Variants in TMEM132C observed in about 807,000 individuals in gnomAD.
The protein encoded by TMEM132C is protein phosphatase 1, regulatory subunit 152.
In TMEM132C, 29 loss-of-function variants were observed where a neutral mutation model predicts 61.4. The observed-to-expected ratio is 0.47, with a 90% CI of 0.35 to 0.64. The LOEUF (loss-of-function observed/expected upper bound fraction) is 0.64, where lower values mean the gene tolerates loss of function less well. TMEM132C is among the 30% of genes least tolerant of loss of function. The probability of loss-of-function intolerance (pLI) is 0.00; values close to 1 mark genes in which losing one functional copy is unlikely to be tolerated. For synonymous variants in TMEM132C, 656 were observed against 633.1 expected (o/e 1.04, Z -0.54); for missense variants, 1,408 against 1,476.9 (o/e 0.95, Z 0.76).
intron 3 of TMEM132C, among the ~76,000 whole-genome samples, chr12:128,569,348 T>G (rs972878473): frequency 6.6e-6 from 1 of 152,190 alleles, no homozygotes; most frequent in South Asian, 2.1e-4. Context: ...CTGACAGGCC[T>G]TCTTCGGTCT....
chr12:128,379,270 A>G (rs1874325357), intron 1 of TMEM132C, among the ~76,000 whole-genome samples: 1 of 152,102 alleles, frequency 6.6e-6, no homozygotes, highest in Admixed American at 6.6e-5. Flanking sequence ...AAAGATATTG[A>G]TTTCCTGGGT....
At chr12:128,525,302 G>A (rs1169132752) in intron 2 of TMEM132C, among the ~76,000 whole-genome samples, 1 of 151,956 alleles carries the variant, frequency 6.6e-6, no homozygotes, top group African/African-American at 2.4e-5. Context: ...GCCCTTTGAA[G>A]AGAAATCCTT....
intron 2 of TMEM132C, among the ~76,000 whole-genome samples, chr12:128,514,570 A>G (rs1278799327): frequency 6.6e-6 from 1 of 152,194 alleles, no homozygotes; most frequent in Non-Finnish European, 1.5e-5. Context: ...TGGGACTTCC[A>G]AAGTTCTGAT....
chr12:128,468,420 C>T (rs1446262988), intron 2 of TMEM132C, among the ~76,000 whole-genome samples: 6 of 152,074 alleles, frequency 3.9e-5, no homozygotes, highest in East Asian at 3.9e-4. Context: ...CGGGTTCAAG[C>T]GATTCTTCTG....
At chr12:128,504,534 G>T (rs1872292044) in intron 2 of TMEM132C, among the ~76,000 whole-genome samples, 2 of 152,280 alleles carry the variant, frequency 1.3e-5, no homozygotes, top group South Asian at 4.1e-4. Flanking sequence ...GAGGCTGGAA[G>T]TCCGAGACTA....
chr12:128,439,192 G>A, intron 2 of TMEM132C: 1 of 164,802 alleles, frequency 6.1e-6, no homozygotes, highest in Non-Finnish European at 1.3e-5. Context: ...TGGCAAGGAA[G>A]GAGCTGCCCA....
In TMEM132C at chr12:128,278,971, G is replaced by A. The variant is rs12304689; in HGVS notation, c.85+11484G>A. ...AACTGCAACATTAGGTCTTCCTTGG[G>A]TCTCCAGCCTGCCAGCCCACCCTAC... On this transcript the variant is annotated intron_variant, in intron 1 of 8. Transcript: ENST00000435159. The surrounding 1 kb of genome is among the most constrained non-coding windows in gnomAD (Gnocchi z 4.2). 2.0e-3 allele frequency among the ~76,000 whole-genome samples: 309 copies of A among 152,156 alleles called. 1 individual carries two copies. Among genetic ancestry groups the A allele is most frequent in the African/African-American group, 7.0e-3 (290 of 41,506 alleles).
chr12:128,536,943 A>C (rs917953363), intron 2 of TMEM132C, among the ~76,000 whole-genome samples: 1 of 152,224 alleles, frequency 6.6e-6, no homozygotes, highest in Non-Finnish European at 1.5e-5. Flanking sequence ...CAGAAGCAAG[A>C]AACAAGCCAT....
At chr12:128,536,823 A>G (rs1047451647) in intron 2 of TMEM132C, among the ~76,000 whole-genome samples, 2 of 152,160 alleles carry the variant, frequency 1.3e-5, no homozygotes, top group Non-Finnish European at 2.9e-5. Context: ...GCATATGTCA[A>G]CTGAAGAATG....
chr12:128,533,815 C>T (rs1348248873), intron 2 of TMEM132C, among the ~76,000 whole-genome samples: 2 of 152,100 alleles, frequency 1.3e-5, no homozygotes, highest in South Asian at 2.1e-4. Flanking sequence ...TCAGTTTGAA[C>T]GTACTCTGAA....
intron 8 of TMEM132C, among the ~76,000 whole-genome samples, chr12:128,704,437 T>C (rs1335835075): frequency 1.3e-5 from 2 of 152,206 alleles, no homozygotes; most frequent in African/African-American, 2.4e-5. Context: ...CAATGCCATG[T>C]ACTGTGTCCC....
At chr12:128,430,058 G>A (rs996139788) in intron 2 of TMEM132C, among the ~76,000 whole-genome samples, 4 of 152,154 alleles carry the variant, frequency 2.6e-5, no homozygotes, top group African/African-American at 9.7e-5. Flanking sequence ...GGGGCAGCTC[G>A]GCCTCCTTCT....
chr12:128,473,405 C>T (rs1871039617), intron 2 of TMEM132C, among the ~76,000 whole-genome samples: 1 of 151,410 alleles, frequency 6.6e-6, no homozygotes, highest in Non-Finnish European at 1.5e-5. Context: ...TTCATTTTCA[C>T]TCCAGCCTCC....
chr12:128,395,575 G>A (rs765429882), intron 1 of TMEM132C, among the ~76,000 whole-genome samples: 1 of 152,134 alleles, frequency 6.6e-6, no homozygotes, highest in Non-Finnish European at 1.5e-5. Context: ...TGCCTTAAAC[G>A]TGTTCAGAAC....
At chr12:128,595,713 C>A (rs1357059847) in intron 3 of TMEM132C, among the ~76,000 whole-genome samples, 1 of 152,192 alleles carries the variant, frequency 6.6e-6, no homozygotes, top group Non-Finnish European at 1.5e-5. Context: ...TCACCCGTGG[C>A]ACTGACAAAT....
intron 3 of TMEM132C, among the ~76,000 whole-genome samples, chr12:128,607,250 G>A (rs192310884): frequency 3.4e-4 from 52 of 152,294 alleles, no homozygotes; most frequent in African/African-American, 1.1e-3. Context: ...AGGCCAGTGG[G>A]GCTGGAGGAG....
At position 128,581,217 on chromosome 12, in the gene TMEM132C, C is replaced by T. The variant is rs566403135; in HGVS notation, c.1122-34935C>T. On this transcript the variant is annotated intron_variant, in intron 3 of 8. Coordinates refer to ENST00000435159, the MANE Select transcript of TMEM132C (RefSeq NM_001136103.3). ...TGTGGGCTCAGACGGAGTGCTCAGACCATATCAAAACGCTGTTGGAATCCC... is the reference window on the plus strand; with the variant it reads ...TGTGGGCTCAGACGGAGTGCTCAGATCATATCAAAACGCTGTTGGAATCCC... 2.6e-5 allele frequency among the ~76,000 whole-genome samples: 4 copies of T among 151,994 alleles called. No individual in the cohort carries two copies. The East Asian group carries it at 5.8e-4, about 22-fold the overall frequency.
At chr12:128,470,467 G>A (rs1384262331) in intron 2 of TMEM132C, among the ~76,000 whole-genome samples, 3 of 152,024 alleles carry the variant, frequency 2.0e-5, no homozygotes, top group East Asian at 1.9e-4. Flanking sequence ...GCTACCTCTC[G>A]GTCTTGGTAG....
chr12:128,334,168 G>C (rs1274276092), intron 1 of TMEM132C, among the ~76,000 whole-genome samples: 1 of 152,188 alleles, frequency 6.6e-6, no homozygotes, highest in East Asian at 1.9e-4. Flanking sequence ...GCATCAAAAA[G>C]GCTGTCTAGT....
Sources: gnomAD v4.1 joint callset for allele counts (sites outside exome capture counted in the v4.1 genomes callset) on GRCh38, gnomAD v4.1.1 for gene constraint, Gnocchi (gnomAD v3.1) non-coding constraint, MANE v1.5 for transcripts, NCBI Gene and HGNC (gene_info 2026-07-23, HGNC 2026-07-21) for gene names.